The following LHPP variants were observed in gnomAD, a reference collection of about 807,000 sequenced individuals.
The protein encoded by LHPP is hLHPP.
In LHPP, 24 loss-of-function variants were observed where a neutral mutation model predicts 30.3. The observed-to-expected ratio is 0.79, with a 90% CI of 0.57 to 1.11. LHPP has a LOEUF of 1.11. Ranked by LOEUF, LHPP falls within the 50% of genes most tolerant of loss-of-function variation. The pLI is 0.00. For missense variants in LHPP, 356 were observed against 367.2 expected, an observed-to-expected ratio of 0.97 and a Z score of 0.25; for synonymous variants, 150 against 157.1, an observed-to-expected ratio of 0.95 and a Z score of 0.34.
chr10:124,490,003 T>C, intron 3 of LHPP: 1 of 167,776 alleles, frequency 6.0e-6, no homozygotes, highest in South Asian at 1.4e-4. Flanking sequence ...GTGGGTGTCT[T>C]TCGCCATCTG....
At chr10:124,567,800 G>T (rs573729810) in intron 6 of LHPP, among the ~76,000 whole-genome samples, 2 of 152,250 alleles carry the variant, frequency 1.3e-5, no homozygotes, top group Non-Finnish European at 2.9e-5. Context: ...ACACACATGC[G>T]CATGCATGCA....
At chr10:124,607,583 G>A (rs1408072976) in intron 6 of LHPP, among the ~76,000 whole-genome samples, 1 of 152,218 alleles carries the variant, frequency 6.6e-6, no homozygotes, top group African/African-American at 2.4e-5. Flanking sequence ...CTTCTATGGG[G>A]AGACCTCTTG....
intron 6 of LHPP, among the ~76,000 whole-genome samples, chr10:124,534,445 C>G (rs545392203): frequency 5.3e-4 from 80 of 152,338 alleles, no homozygotes; most frequent in Non-Finnish European, 1.0e-3. Flanking sequence ...ACGGGAGGTC[C>G]GGAGGCTCTC....
At chr10:124,546,390 T>A (rs140262117) in intron 6 of LHPP, among the ~76,000 whole-genome samples, 2 of 152,204 alleles carry the variant, frequency 1.3e-5, no homozygotes, top group African/African-American at 4.8e-5. Flanking sequence ...CATGTGGTTG[T>A]ATGTTTTTTT....
intron 1 of LHPP, among the ~76,000 whole-genome samples, chr10:124,471,954 G>T (rs12415195): frequency 2.0e-5 from 3 of 151,200 alleles, no homozygotes; most frequent in Admixed American, 6.6e-5. Context: ...TATGTTTTCT[G>T]TGTTCAAATT....
chr10:124,516,924 A>G (rs1954470094), intron 5 of LHPP, among the ~76,000 whole-genome samples: 2 of 152,142 alleles, frequency 1.3e-5, no homozygotes, highest in Admixed American at 6.5e-5. Context: ...GCGCCAAATC[A>G]CTTTGACGTC....
rs551975804 is a variant in LHPP at position 124,471,298 on chromosome 10, C to T, written c.125+9311C>T. On this transcript the variant is annotated intron_variant, in intron 1 of 6. Transcript: ENST00000368842. ...CACAGGTCACTGGAGGCTGGAGACCCCTTGCAGGTCCCCGGGCCAGGAGTT... is the reference window on the plus strand; with the variant it reads ...CACAGGTCACTGGAGGCTGGAGACCTCTTGCAGGTCCCCGGGCCAGGAGTT... 4.6e-3 allele frequency among the ~76,000 whole-genome samples: 687 copies of T among 149,110 alleles called. 4 individuals carry two copies. The highest frequency in any genetic ancestry group is 7.7e-3 in the Non-Finnish European group (520 of 67,708).
chr10:124,532,120 C>T (rs532386603), intron 6 of LHPP, among the ~76,000 whole-genome samples: 27 of 152,328 alleles, frequency 1.8e-4, no homozygotes, highest in South Asian at 6.2e-4. Context: ...TGTGACCTTT[C>T]GGCACATCCT....
At position 124,572,113 on chromosome 10, in the gene LHPP, C is replaced by T. The variant is rs185437639; in HGVS notation, c.717-41151C>T. Among the ~76,000 whole-genome samples, 22 of 152,270 alleles carry T rather than the reference C, an allele frequency of 1.4e-4. No individual in the cohort carries two copies. The East Asian group carries it at 3.7e-3, about 25-fold the overall frequency. ...GAGAGGCCAGGGCTGGCAGGCCTGC[C>T]GAAGGCTTTGCTTCTCTTCTGCCAG... On this transcript the variant is annotated intron_variant, in intron 6 of 6. Coordinates refer to ENST00000368842, the MANE Select transcript of LHPP (RefSeq NM_022126.4).
chr10:124,526,105 G>A, intron 6 of LHPP: 2 of 873,064 alleles, frequency 2.3e-6, no homozygotes. Flanking sequence ...GGAGTGGTGG[G>A]ACAGGGATTG....
At chr10:124,514,036 A>G (rs1482281344) in intron 5 of LHPP, among the ~76,000 whole-genome samples, 1 of 152,206 alleles carries the variant, frequency 6.6e-6, no homozygotes. Flanking sequence ...ACCAAGTGCC[A>G]GTTGTCAACC....
At chr10:124,553,331 G>A (rs1948215138) in intron 6 of LHPP, among the ~76,000 whole-genome samples, 1 of 152,174 alleles carries the variant, frequency 6.6e-6, no homozygotes, top group African/African-American at 2.4e-5. Flanking sequence ...GGGAGCATAT[G>A]GGGCTTTCCT....
intron 1 of LHPP, among the ~76,000 whole-genome samples, chr10:124,468,287 A>G (rs2807046): frequency 0.03 from 4,531 of 152,224 alleles, 216 homozygotes; most frequent in African/African-American, 0.1. Flanking sequence ...CTGCAGATTT[A>G]TCTAGCTGGG....
At chr10:124,595,173 G>C (rs1446841378) in intron 6 of LHPP, among the ~76,000 whole-genome samples, 3 of 152,206 alleles carry the variant, frequency 2.0e-5, no homozygotes, top group African/African-American at 7.2e-5. Context: ...GACTTCTCCT[G>C]CATGGGGGTT....
At chr10:124,492,182 T>C (rs958909147) in intron 3 of LHPP, among the ~76,000 whole-genome samples, 1 of 152,246 alleles carries the variant, frequency 6.6e-6, no homozygotes, top group Non-Finnish European at 1.5e-5. Flanking sequence ...GTGTGCCATT[T>C]GTTGTTTTTT....
Position 124,512,903 on chromosome 10 carries a change from C to T in LHPP, c.625-4277C>T, listed in dbSNP as rs943772283. Among the ~76,000 whole-genome samples, 3 of 152,190 alleles carry T rather than the reference C, an allele frequency of 2.0e-5. No individual in the cohort carries two copies. In the East Asian group the frequency reaches 5.8e-4, roughly 29 times the overall value. ...CTTCCCCCAGATGGAGAGCAAATTC[C>T]ACCTGGACCCGTCCTTGCAGGCAGA... On this transcript the variant is annotated intron_variant, in intron 5 of 6. Coordinates refer to ENST00000368842, the MANE Select transcript of LHPP (RefSeq NM_022126.4).
intron 1 of LHPP, among the ~76,000 whole-genome samples, chr10:124,469,861 G>A (rs1465275624): frequency 6.6e-6 from 1 of 152,092 alleles, no homozygotes; most frequent in Non-Finnish European, 1.5e-5. Context: ...CCCTGGGCTG[G>A]GTACCTGGCC....
intron 4 of LHPP, among the ~76,000 whole-genome samples, chr10:124,497,720 GCAGGCGAGT>G (rs1376248162): frequency 6.6e-6 from 1 of 152,232 alleles, no homozygotes; most frequent in African/African-American, 2.4e-5. Context: ...GGACGGAATT[GCAGGCGAGT>G]GAGCAGAGCA....
intron 6 of LHPP, among the ~76,000 whole-genome samples, chr10:124,581,666 G>A (rs146982854): frequency 9.2e-5 from 14 of 152,262 alleles, no homozygotes; most frequent in African/African-American, 3.4e-4. Flanking sequence ...GACTAGTGAT[G>A]TCAGGCATCT....
Sources: gnomAD v4.1 joint callset for allele counts (sites outside exome capture counted in the v4.1 genomes callset) on GRCh38, gnomAD v4.1.1 for gene constraint, MANE v1.5 for transcripts, NCBI Gene and HGNC (gene_info 2026-07-23, HGNC 2026-07-21) for gene names.